RNF135: variants seen among roughly 807,000 people sequenced by gnomAD.
The protein encoded by RNF135 is ring finger protein 135, also known as E3 ubiquitin-protein ligase RNF135.
Under a neutral mutation model 41.9 loss-of-function variants are expected in RNF135, and 46 were observed. The observed-to-expected ratio is 1.10, with a 90% confidence interval of 0.87 to 1.40. RNF135 has a LOEUF of 1.40. Among genes scored for constraint, RNF135 ranks in the 40% most tolerant of loss-of-function variants. The pLI is 0.00. For synonymous variants in RNF135, 238 were observed against 223.8 expected (o/e 1.06, Z -0.57); for missense variants, 539 against 549.8 (o/e 0.98, Z 0.20).
rs1908589943 is a variant in RNF135 at position 30,999,359 on chromosome 17, C to A, written c.*168C>A. The A allele has an allele frequency of 4.2e-6, 3 of 708,810 alleles. No individual in the cohort carries two copies. Among genetic ancestry groups the A allele is most frequent in the African/African-American group, 3.5e-5 (2 of 56,898 alleles). The allele number at this position is 708,810 out of a possible 1,614,324, so 43.9% of individuals were successfully genotyped here. On this transcript the variant is annotated 3_prime_UTR_variant, in exon 5 of 5. Coordinates refer to ENST00000328381, the MANE Select transcript of RNF135 (RefSeq NM_032322.4). Reference sequence around the variant, plus strand: ...GAATTCCTGGTCTCAAGCAGTCCTCCCACCTCAGCCTCCCAAGGTGCTGGG... The same window carrying A: ...GAATTCCTGGTCTCAAGCAGTCCTCACACCTCAGCCTCCCAAGGTGCTGGG...
intron 1 of RNF135, among the ~76,000 whole-genome samples, chr17:30,975,000 T>A (rs897589796): frequency 2.0e-5 from 3 of 151,826 alleles, no homozygotes; most frequent in African/African-American, 4.8e-5. Flanking sequence ...TTTTAAGAAA[T>A]TTTTCAGGCA....
In RNF135 at chr17:30,999,391, G is replaced by A; in HGVS notation, c.*200G>A. The A allele has an allele frequency of 1.6e-6, 1 of 606,886 alleles. No individual in the cohort carries two copies. The highest frequency in any genetic ancestry group is 2.9e-6 in the Non-Finnish European group (1 of 342,628). The allele number at this position is 606,886 out of a possible 1,614,324, so 37.6% of individuals were successfully genotyped here. A position where few individuals can be genotyped will look rare whatever the true frequency, so the allele number is the denominator to read the frequency against. On this transcript the variant is annotated 3_prime_UTR_variant, in exon 5 of 5. Coordinates refer to ENST00000328381, the MANE Select transcript of RNF135 (RefSeq NM_032322.4). ...AGCCTCCCAAGGTGCTGGGATTACAGGTGTGAGCCACCACACCTGGCCAAG... is the reference window on the plus strand; with the variant it reads ...AGCCTCCCAAGGTGCTGGGATTACAAGTGTGAGCCACCACACCTGGCCAAG...
chr17:30,984,120 C>T (rs1038385313), intron 1 of RNF135, among the ~76,000 whole-genome samples: 3 of 152,034 alleles, frequency 2.0e-5, no homozygotes, highest in Non-Finnish European at 2.9e-5. Flanking sequence ...CTCTATTGTT[C>T]GTGTCTTTTG....
At chr17:30,987,609 C>T (rs915714246) in intron 2 of RNF135, among the ~76,000 whole-genome samples, 4 of 152,106 alleles carry the variant, frequency 2.6e-5, no homozygotes, top group Non-Finnish European at 5.9e-5. Context: ...CTATAAGATG[C>T]GCCTAGAAAT....
At chr17:30,983,349 A>ATTTTTTTTTTTT (rs1907339481) in intron 1 of RNF135, among the ~76,000 whole-genome samples, 4 of 38,702 alleles carry the variant, frequency 1.0e-4, no homozygotes, top group African/African-American at 4.0e-4. Flanking sequence ...ATATATATAT[A>ATTTTTTTTTTTT]TATATTTTTT....
chr17:30,965,407 A>G, the RNF135 span: 2 of 152,150 alleles, frequency 1.3e-5, no homozygotes, highest in Non-Finnish European at 2.9e-5. Context: ...GTATGTGTGT[A>G]TATATATTTC....
At chr17:30,996,122 A>C (rs1437925569) in intron 3 of RNF135, among the ~76,000 whole-genome samples, 2 of 105,584 alleles carry the variant, frequency 1.9e-5, no homozygotes, top group African/African-American at 3.8e-5. Context: ...ATGGAGTCTC[A>C]CTCTGTTTCC....
Position 30,998,709 on chromosome 17 carries a change from G to T in RNF135, c.817G>T (p.Glu273Ter), listed in dbSNP as rs1567751133. 2 of 1,613,836 alleles carry T rather than the reference G, an allele frequency of 1.2e-6. No homozygotes were observed. Among genetic ancestry groups the T allele is most frequent in the South Asian group, 1.1e-5 (1 of 90,962 alleles). The change falls in exon 5 of 5, where the codon GAG becomes TAG. Residue 273 changes from glutamate to a stop codon, truncating the protein, a stop_gained. Coordinates refer to ENST00000328381, the MANE Select transcript of RNF135 (RefSeq NM_032322.4). LOFTEE classifies it high-confidence loss of function. ...CTTGAAGAGCCTTTCCTGCAGCCTG[G>T]AGGTGTCCAAGGATTCCCGTACAGT... is the stretch of plus-strand genomic sequence containing the variant. ...FNLKSLSCSL[E>*]VSKDSRTVTV...
upstream of RNF135, among the ~76,000 whole-genome samples, chr17:30,967,829 G>A (rs551558953): frequency 4.3e-4 from 65 of 151,926 alleles, no homozygotes; most frequent in African/African-American, 1.5e-3. Context: ...AGCCTCCTGA[G>A]TAGCTGGGAT....
intron 3 of RNF135, among the ~76,000 whole-genome samples, chr17:30,990,393 A>G (rs1306126903): frequency 1.3e-5 from 2 of 152,102 alleles, no homozygotes; most frequent in Admixed American, 1.3e-4. Flanking sequence ...GCGTGGTGGC[A>G]CACTCCAGTA....
At chr17:30,975,553 C>T (rs1357503394) in intron 1 of RNF135, 7 of 783,290 alleles carry the variant, frequency 8.9e-6, no homozygotes, top group East Asian at 2.4e-5. Context: ...TAGACATACA[C>T]CCAACAATAC....
rs1210428167 is a variant in RNF135, at chr17:30,983,331, ATATATATATATATATATATATATT to A, written c.373-1284_373-1261del. On this transcript the variant is annotated intron_variant, in intron 1 of 4. Transcript: ENST00000328381. ...ATTACATATATGTACATATATATAT[ATATATATATATATATATATATATT>A]TTTTTTTTTTTTTTTTGAGATGGAG... 3.3e-4 allele frequency among the ~76,000 whole-genome samples: 10 copies of A among 30,660 alleles called. 1 individual carries two copies. Among genetic ancestry groups the A allele is most frequent in the African/African-American group, 7.7e-4 (6 of 7,760 alleles). 20.1% of individuals were successfully genotyped at this position (30,660 alleles called of 152,430 possible). A position where few individuals can be genotyped will look rare whatever the true frequency, so the allele number is the denominator to read the frequency against.
intron 3 of RNF135, among the ~76,000 whole-genome samples, chr17:30,994,188 GT>G (rs1331137705): frequency 1.3e-5 from 2 of 152,132 alleles, no homozygotes; most frequent in Non-Finnish European, 2.9e-5. Context: ...TGAATTTTGT[GT>G]TTTTCTAAAT....
chr17:30,993,852 C>T (rs760507726), intron 3 of RNF135: 2 of 820,770 alleles, frequency 2.4e-6, no homozygotes, highest in South Asian at 3.2e-5. Context: ...TCTCTGTTGC[C>T]CAGGCTGGAG....
chr17:30,983,338 TATATATA>T (rs1292424814), intron 1 of RNF135, among the ~76,000 whole-genome samples: 1,084 of 30,612 alleles, frequency 0.035, 28 homozygotes, highest in Non-Finnish European at 0.067. Flanking sequence ...TATATATATA[TATATATA>T]TATATATATT....
At position 30,996,024 on chromosome 17, in the gene RNF135, G is replaced by A. The variant is rs182105483; in HGVS notation, c.680-1218G>A. Among the ~76,000 whole-genome samples, 114 of 150,974 alleles carry A rather than the reference G, an allele frequency of 7.6e-4. 1 individual carries two copies. The highest frequency in any genetic ancestry group is 1.5e-3 in the South Asian group (7 of 4,770). The stretch of plus-strand genomic sequence containing the variant: ...ACTCCTGACCTCAGGTGATCCGCCC[G>A]CCTCAGCCTCCCAAAGTATTGGGAT... On this transcript the variant is annotated intron_variant, in intron 3 of 4. Coordinates refer to ENST00000328381, the MANE Select transcript of RNF135 (RefSeq NM_032322.4).
chr17:30,967,458 T>C (rs1260777717), upstream of RNF135, among the ~76,000 whole-genome samples: 2 of 152,172 alleles, frequency 1.3e-5, no homozygotes, highest in African/African-American at 4.8e-5. Context: ...ACTTTTCTTT[T>C]GTTTGACTGC....
chr17:30,965,344 A>AAAAC, the RNF135 span: 3 of 151,284 alleles, frequency 2.0e-5, no homozygotes, highest in East Asian at 1.9e-4. Flanking sequence ...CTCAAAAAAC[A>AAAAC]AAACAAACAA....
intron 1 of RNF135, among the ~76,000 whole-genome samples, chr17:30,977,729 C>T (rs868129641): frequency 3.3e-5 from 5 of 151,984 alleles, no homozygotes; most frequent in African/African-American, 4.8e-5. Context: ...CCACCACGCC[C>T]GGCTAATTTT....
Sources: allele counts gnomAD v4.1 joint callset (sites outside exome capture counted in the v4.1 genomes callset), GRCh38; gene constraint gnomAD v4.1.1; transcripts MANE v1.5; gene names NCBI Gene and HGNC (gene_info 2026-07-23, HGNC 2026-07-21).